GABRG3: variants seen among roughly 807,000 people sequenced by gnomAD.
GABRG3 encodes the protein gamma-aminobutyric acid receptor subunit gamma-3.
Under a neutral mutation model 48.8 loss-of-function variants are expected in GABRG3, and 25 were observed. The observed-to-expected ratio is 0.51, with a 90% CI of 0.37 to 0.72. The LOEUF is 0.72. Among genes scored for constraint, GABRG3 ranks in the 30% least tolerant of loss-of-function variants. The pLI is 0.00. For missense variants in GABRG3, 394 were observed against 577.9 expected (o/e 0.68, Z 3.26); for synonymous variants, 227 against 217.6 (o/e 1.04, Z -0.38).
chr15:27,155,453 A>T (rs11263704), intron 3 of GABRG3, among the ~76,000 whole-genome samples: 43,449 of 152,026 alleles, frequency 0.29, 6,762 homozygotes, highest in Middle Eastern at 0.35. Context: ...CAGTTTGAGA[A>T]CTTTCTGGTT....
At chr15:27,134,433 T>C (rs1034377630) in intron 3 of GABRG3, among the ~76,000 whole-genome samples, 2 of 152,016 alleles carry the variant, frequency 1.3e-5, no homozygotes, top group African/African-American at 4.8e-5. Flanking sequence ...AGAAACACCC[T>C]CCTGTTCAAG....
At chr15:27,146,380 C>T (rs1898209894) in intron 3 of GABRG3, among the ~76,000 whole-genome samples, 1 of 152,146 alleles carries the variant, frequency 6.6e-6, no homozygotes, top group African/African-American at 2.4e-5. Flanking sequence ...TGGCTTGAAC[C>T]TGGGATGCGG....
chr15:26,995,555 T>G (rs1377002266), intron 2 of GABRG3, among the ~76,000 whole-genome samples: 1 of 151,784 alleles, frequency 6.6e-6, no homozygotes, highest in African/African-American at 2.4e-5. Context: ...TTTTTTTTGT[T>G]AAGTGGATAT....
chr15:27,030,693 T>G lies in GABRG3; in HGVS notation c.270+3872T>G, dbSNP rs367866280. Among the ~76,000 whole-genome samples the G allele has an allele frequency of 1.2e-3, 105 of 84,692 alleles. 1 individual carries two copies. Among genetic ancestry groups the G allele is most frequent in the African/African-American group, 4.7e-3 (103 of 21,730 alleles). 55.6% of individuals were successfully genotyped at this position (84,692 alleles called of 152,430 possible). A position where few individuals can be genotyped will look rare whatever the true frequency, so the allele number is the denominator to read the frequency against. On this transcript the variant is annotated intron_variant, in intron 3 of 9. Coordinates refer to ENST00000615808, the MANE Select transcript of GABRG3 (RefSeq NM_033223.5). The stretch of plus-strand genomic sequence containing the variant: ...AAAGCAAAGAAGAAAACCAATGTTC[T>G]GACACTCTGTGCTATTGACCCCAAA...
intron 5 of GABRG3, among the ~76,000 whole-genome samples, chr15:27,441,584 C>A (rs1888785712): frequency 1.3e-5 from 2 of 152,138 alleles, no homozygotes; most frequent in Admixed American, 6.5e-5. Flanking sequence ...TCCTGCAGAC[C>A]CATCTTCATT....
At chr15:27,145,070 T>C (rs1898173510) in intron 3 of GABRG3, among the ~76,000 whole-genome samples, 1 of 152,182 alleles carries the variant, frequency 6.6e-6, no homozygotes, top group African/African-American at 2.4e-5. Context: ...CCACATTATG[T>C]TACTTGAAAT....
intron 9 of GABRG3, among the ~76,000 whole-genome samples, chr15:27,529,361 A>G (rs2062812162): frequency 6.6e-6 from 1 of 152,230 alleles, no homozygotes; most frequent in Non-Finnish European, 1.5e-5. Context: ...CTTTTATCAT[A>G]TAACAACTTT....
intron 3 of GABRG3, among the ~76,000 whole-genome samples, chr15:27,260,132 G>T (rs577036056): frequency 6.6e-6 from 1 of 152,292 alleles, no homozygotes; most frequent in African/African-American, 2.4e-5. Context: ...AGACAGTGGG[G>T]CTTAAACAAT....
intron 3 of GABRG3, among the ~76,000 whole-genome samples, chr15:27,128,505 C>A (rs1177532588): frequency 6.6e-6 from 1 of 152,236 alleles, no homozygotes; most frequent in African/African-American, 2.4e-5. Flanking sequence ...GGTTGAGCTG[C>A]AGCCAGCATG....
intron 5 of GABRG3, among the ~76,000 whole-genome samples, chr15:27,435,658 T>C (rs1366207602): frequency 6.6e-6 from 1 of 152,204 alleles, no homozygotes; most frequent in Non-Finnish European, 1.5e-5. Context: ...TCTCTCGTTA[T>C]CTTATCTGGG....
chr15:27,351,348 G>T (rs1894578793), intron 5 of GABRG3, among the ~76,000 whole-genome samples: 1 of 146,382 alleles, frequency 6.8e-6, no homozygotes. Flanking sequence ...TGGTATATGT[G>T]TGTATGTGTG....
At chr15:27,218,685 C>A (rs1269416151) in intron 3 of GABRG3, among the ~76,000 whole-genome samples, 2 of 152,120 alleles carry the variant, frequency 1.3e-5, no homozygotes, top group South Asian at 2.1e-4. Context: ...TCATTCCTAC[C>A]CTCAATGCAA....
chr15:27,306,916 C>CAT (rs1244464640), intron 3 of GABRG3, among the ~76,000 whole-genome samples: 3 of 13,958 alleles, frequency 2.1e-4, no homozygotes, highest in African/African-American at 6.7e-4. Context: ...TATAAACATA[C>CAT]AATATAAACA....
At chr15:27,256,248 C>G (rs1177790999) in intron 3 of GABRG3, among the ~76,000 whole-genome samples, 2 of 151,822 alleles carry the variant, frequency 1.3e-5, no homozygotes, top group Non-Finnish European at 2.9e-5. Context: ...CAAGACCATC[C>G]TGGCTAACAT....
At chr15:27,085,370 A>G (rs1483744436) in intron 3 of GABRG3, among the ~76,000 whole-genome samples, 2 of 152,232 alleles carry the variant, frequency 1.3e-5, no homozygotes, top group Non-Finnish European at 2.9e-5. Flanking sequence ...TGTGCTATTG[A>G]TGGTGTCTTC....
At chr15:27,056,540 A>G (rs1239930345) in intron 3 of GABRG3, among the ~76,000 whole-genome samples, 1 of 152,102 alleles carries the variant, frequency 6.6e-6, no homozygotes, top group Non-Finnish European at 1.5e-5. Flanking sequence ...CTGTGGAAAG[A>G]AAGTGAGAAG....
chr15:27,109,850 C>G (rs966140460), intron 3 of GABRG3, among the ~76,000 whole-genome samples: 1 of 152,110 alleles, frequency 6.6e-6, no homozygotes, highest in African/African-American at 2.4e-5. Flanking sequence ...CCACTGCACT[C>G]TAGCCTGGGC....
intron 6 of GABRG3, among the ~76,000 whole-genome samples, chr15:27,510,642 G>A (rs1257404145): frequency 6.6e-6 from 1 of 152,224 alleles, no homozygotes; most frequent in East Asian, 1.9e-4. Flanking sequence ...GAAATTTCTA[G>A]CTGAATAAAG....
At chr15:27,197,060 G>C (rs72702036) in intron 3 of GABRG3, among the ~76,000 whole-genome samples, 7,196 of 152,254 alleles carry the variant, frequency 0.047, 223 homozygotes, top group South Asian at 0.075. Context: ...AGAAGGAATG[G>C]ATAGAACGAT....
Sources: gnomAD v4.1 joint callset for allele counts (sites outside exome capture counted in the v4.1 genomes callset) on GRCh38, gnomAD v4.1.1 for gene constraint, MANE v1.5 for transcripts, NCBI Gene and HGNC (gene_info 2026-07-23, HGNC 2026-07-21) for gene names.